RAB38: variants seen among roughly 807,000 people sequenced by gnomAD.
The protein encoded by RAB38 is ras-related protein Rab-38.
RAB38 carries 15 observed loss-of-function variants against 18.4 expected under a neutral mutation model. The observed-to-expected ratio is 0.82, with a 90% CI of 0.55 to 1.26. The LOEUF (loss-of-function observed/expected upper bound fraction) is 1.26. RAB38 is among the 50% of genes most tolerant of loss of function. The pLI is 0.00. For synonymous variants in RAB38, 101 were observed against 104.4 expected, an observed-to-expected ratio of 0.97 and a Z score of 0.20; for missense variants, 294 against 267.4, an observed-to-expected ratio of 1.10 and a Z score of -0.69.
the RAB38 span, among the ~76,000 whole-genome samples, chr11:87,822,120 C>A: frequency 6.6e-6 from 1 of 150,508 alleles, no homozygotes; most frequent in Non-Finnish European, 1.5e-5. Context: ...GAAAAAAATA[C>A]CAGAACAATT....
the RAB38 span, among the ~76,000 whole-genome samples, chr11:88,029,204 T>G: frequency 6.6e-6 from 1 of 152,074 alleles, no homozygotes; most frequent in Non-Finnish European, 1.5e-5. Flanking sequence ...CCACCAGGCC[T>G]GCCCTAAAAG....
chr11:87,911,266 T>A, the RAB38 span, among the ~76,000 whole-genome samples: 1 of 152,074 alleles, frequency 6.6e-6, no homozygotes, highest in Non-Finnish European at 1.5e-5. Context: ...TTCTAGGCCC[T>A]TTGAATTTCC....
intron 1 of RAB38, among the ~76,000 whole-genome samples, chr11:88,163,195 G>T (rs530446770): frequency 6.6e-6 from 1 of 152,122 alleles, no homozygotes; most frequent in South Asian, 2.1e-4. Context: ...ACTATATTCG[G>T]TGTCTCCATA....
At chr11:88,004,164 C>T in the RAB38 span, among the ~76,000 whole-genome samples, 1 of 148,842 alleles carries the variant, frequency 6.7e-6, no homozygotes, top group Non-Finnish European at 1.5e-5. Flanking sequence ...AGAACAATTG[C>T]CTCATAGACA....
intron 2 of RAB38, among the ~76,000 whole-genome samples, chr11:88,119,068 G>A (rs1397195242): frequency 6.6e-6 from 1 of 151,908 alleles, no homozygotes; most frequent in African/African-American, 2.4e-5. Flanking sequence ...TGAATCCTAG[G>A]AATAAAATAG....
chr11:88,045,742 G>A, the RAB38 span, among the ~76,000 whole-genome samples: 11 of 152,110 alleles, frequency 7.2e-5, no homozygotes, highest in East Asian at 5.8e-4. Flanking sequence ...GGTCAAGTCC[G>A]TCCCCTTCTT....
the RAB38 span, among the ~76,000 whole-genome samples, chr11:87,838,034 G>A: frequency 6.6e-6 from 1 of 152,082 alleles, no homozygotes; most frequent in Non-Finnish European, 1.5e-5. Context: ...ATGTGTGAAT[G>A]TTGCTTAATA....
Position 88,154,471 on chromosome 11 carries a change from C to T in RAB38, c.203-4516G>A, listed in dbSNP as rs140399954. Reference sequence around the variant, plus strand: ...ATACTTGTAGCTAGGGCCAGCTTGGCGATCTGGAACCAAACTGCAGGTGTC... The same window carrying T: ...ATACTTGTAGCTAGGGCCAGCTTGGTGATCTGGAACCAAACTGCAGGTGTC... On this transcript the variant is annotated intron_variant, in intron 1 of 2. Transcript: ENST00000243662. Among the ~76,000 whole-genome samples, 123 of 152,272 alleles carry T rather than the reference C, an allele frequency of 8.1e-4. 3 individuals are homozygous for T. The highest frequency in any genetic ancestry group is 2.5e-3 in the African/African-American group (103 of 41,556).
the RAB38 span, among the ~76,000 whole-genome samples, chr11:87,885,534 A>G: frequency 6.6e-6 from 1 of 152,052 alleles, no homozygotes; most frequent in Non-Finnish European, 1.5e-5. Flanking sequence ...GGGTAAACAC[A>G]TGCAATGCCT....
chr11:87,842,822 A>G, the RAB38 span, among the ~76,000 whole-genome samples: 818 of 91,136 alleles, frequency 9.0e-3, 10 homozygotes, highest in African/African-American at 0.038. Flanking sequence ...GCGCGCACAC[A>G]CACACACACA....
At chr11:87,812,461 TGTAGTC>T in the RAB38 span, among the ~76,000 whole-genome samples, 2 of 152,272 alleles carry the variant, frequency 1.3e-5, no homozygotes, top group East Asian at 3.9e-4. Context: ...GAAGGAGACA[TGTAGTC>T]GTATGTTTTG....
At chr11:88,156,013 A>C (rs772585536) in intron 1 of RAB38, among the ~76,000 whole-genome samples, 1 of 152,210 alleles carries the variant, frequency 6.6e-6, no homozygotes, top group Non-Finnish European at 1.5e-5. Flanking sequence ...AAAGTCTTTG[A>C]GAAATGTGGG....
the RAB38 span, among the ~76,000 whole-genome samples, chr11:87,851,066 C>G: frequency 1.3e-5 from 2 of 152,198 alleles, no homozygotes; most frequent in Non-Finnish European, 2.9e-5. Flanking sequence ...GAGGCATTCA[C>G]ACAGAATGCT....
At chr11:88,092,374 GAGAGAGAGAGAGAGAGAGAGAGAGA>G in the RAB38 span, among the ~76,000 whole-genome samples, 42 of 25,530 alleles carry the variant, frequency 1.6e-3, 3 homozygotes, top group East Asian at 4.5e-3. Context: ...GAGAGAGAGA[GAGAGAGAGAGAGAGAGAGAGAGAGA>G]GAGAGAGAGA....
chr11:87,901,898 T>A, the RAB38 span, among the ~76,000 whole-genome samples: 1 of 148,374 alleles, frequency 6.7e-6, no homozygotes, highest in African/African-American at 2.5e-5. Flanking sequence ...ATTTGCTACA[T>A]TGAATTTATT....
At chr11:87,857,455 A>G in the RAB38 span, among the ~76,000 whole-genome samples, 5 of 152,122 alleles carry the variant, frequency 3.3e-5, no homozygotes, top group African/African-American at 7.2e-5. Context: ...TTCCACAATC[A>G]TTGAACTAGT....
chr11:87,886,316 A>AGTGTGT, the RAB38 span, among the ~76,000 whole-genome samples: 1 of 149,340 alleles, frequency 6.7e-6, no homozygotes, highest in African/African-American at 2.5e-5. Flanking sequence ...CTATGTTGTG[A>AGTGTGT]GTGTGTGTGT....
the RAB38 span, among the ~76,000 whole-genome samples, chr11:87,837,894 T>G: frequency 7.9e-5 from 12 of 152,198 alleles, no homozygotes; most frequent in Non-Finnish European, 1.5e-4. Flanking sequence ...GAAGATTTTG[T>G]TGACATATAA....
intron 2 of RAB38, among the ~76,000 whole-genome samples, chr11:88,143,788 CAA>C (rs1311797948): frequency 6.6e-6 from 1 of 152,208 alleles, no homozygotes; most frequent in Non-Finnish European, 1.5e-5. Flanking sequence ...CTGCCTTCTA[CAA>C]ACTGAACTAT....
Sources: gnomAD v4.1 joint callset for allele counts (sites outside exome capture counted in the v4.1 genomes callset) on GRCh38, gnomAD v4.1.1 for gene constraint, MANE v1.5 for transcripts, NCBI Gene and HGNC (gene_info 2026-07-23, HGNC 2026-07-21) for gene names.